The following GTF3C2 variants were observed in gnomAD, a reference collection of about 807,000 sequenced individuals.
GTF3C2 encodes general transcription factor IIIC subunit 2, also known as general transcription factor 3C polypeptide 2.
Under a neutral mutation model 117.4 loss-of-function variants are expected in GTF3C2, and 17 were observed. The ratio of observed to expected loss-of-function variants is 0.14; its 90% CI spans 0.10 to 0.22. The LOEUF is 0.22. Among genes scored for constraint, GTF3C2 ranks in the 10% least tolerant of loss-of-function variants. GTF3C2 has a pLI of 1.00. For synonymous variants in GTF3C2, 437 were observed against 427.0 expected, an observed-to-expected ratio of 1.02 and a Z score of -0.29; for missense variants, 888 against 1,143.6, an observed-to-expected ratio of 0.78 and a Z score of 3.22.
In GTF3C2 at chr2:27,338,349, T is replaced by G. The variant is rs565789952; in HGVS notation, c.856-329A>C. The G allele has an allele frequency of 2.3e-4, 69 of 298,754 alleles. 2 individuals carry two copies. In the South Asian group the frequency reaches 2.4e-3, roughly 11 times the overall value. The allele number at this position is 298,754 out of a possible 1,614,324, so 18.5% of individuals were successfully genotyped here. A position where few individuals can be genotyped will look rare whatever the true frequency, so the allele number is the denominator to read the frequency against. Reference sequence around the variant, plus strand: ...GTCTCCCTTACTCCTCTCCCCTCTCTTAATATTCCTTCACAGGTTCTCCCT... The same window carrying G: ...GTCTCCCTTACTCCTCTCCCCTCTCGTAATATTCCTTCACAGGTTCTCCCT... On this transcript the variant is annotated intron_variant, in intron 4 of 18. Coordinates refer to ENST00000264720, the Ensembl canonical transcript of GTF3C2.
chr2:27,356,004 T>G lies in GTF3C2; in HGVS notation c.-25+735A>C, dbSNP rs1681361100. 3 of 810,808 alleles carry G rather than the reference T, an allele frequency of 3.7e-6. No homozygotes were observed. The South Asian group carries it at 4.2e-5, about 11-fold the overall frequency. 50.2% of individuals were successfully genotyped at this position (810,808 alleles called of 1,614,324 possible). A position where few individuals can be genotyped will look rare whatever the true frequency, so the allele number is the denominator to read the frequency against. ...ACTATTCAGAAAACAATAGTACAAT[T>G]GATAAGAGATTGCAAAAATAGTGAT... is the stretch of plus-strand genomic sequence containing the variant. On this transcript the variant is annotated intron_variant, in intron 1 of 18. Transcript: ENST00000264720.
At chr2:27,337,873 G>GCACT (rs1438986947) in intron 5 of GTF3C2, 53 bp downstream of exon 5, 1 of 1,020,056 alleles carries the variant, frequency 9.8e-7, no homozygotes, top group Non-Finnish European at 1.6e-6. Flanking sequence ...TACCGCCCTT[G>GCACT]CACTCCTCTA....
chr2:27,328,446 T>C, intron 16 of GTF3C2, 22 bp downstream of exon 16: 1 of 1,613,338 alleles, frequency 6.2e-7, no homozygotes, highest in Non-Finnish European at 8.5e-7. Flanking sequence ...CAACAGCTGC[T>C]GTTAGATGTT....
At chr2:27,328,536 T>C in exon 16 of GTF3C2, 3 of 1,610,170 alleles carry the variant, frequency 1.9e-6, no homozygotes, top group African/African-American at 1.3e-5. Context: ...ATAGCAGCAA[T>C]GAGCTCCCCG....
In GTF3C2 at chr2:27,348,397, G is replaced by A. The variant is rs1372834599; in HGVS notation, c.-24-4819C>T. ...GGAGGCTGCAGTGAGCAGAGATCGC[G>A]TTCCTGCACTCCAGCCTGGAGTTGA... On this transcript the variant is annotated intron_variant, in intron 1 of 18. Coordinates refer to ENST00000264720, the Ensembl canonical transcript of GTF3C2. Among the ~76,000 whole-genome samples, 12 of 149,950 alleles carry A rather than the reference G, an allele frequency of 8.0e-5. No individual in the cohort carries two copies. In the South Asian group the frequency reaches 2.1e-3, roughly 27 times the overall value.
intron 1 of GTF3C2, among the ~76,000 whole-genome samples, chr2:27,354,519 G>C (rs1364829524): frequency 6.6e-6 from 1 of 152,144 alleles, no homozygotes; most frequent in African/African-American, 2.4e-5. Context: ...CCAGCACTTT[G>C]GGAGGCCAAG....
intron 1 of GTF3C2, among the ~76,000 whole-genome samples, chr2:27,346,928 TC>T (rs1680938179): frequency 6.6e-6 from 1 of 152,072 alleles, no homozygotes; most frequent in South Asian, 2.1e-4. Flanking sequence ...ATTCCTAACC[TC>T]AAGAGATCCT....
Position 27,329,668 on chromosome 2 carries a change from C to G in GTF3C2, c.1733-145G>C. 1 of 717,434 alleles carries G rather than the reference C, an allele frequency of 1.4e-6. No individual in the cohort carries two copies. The highest frequency in any genetic ancestry group is 2.3e-6 in the Non-Finnish European group (1 of 427,948). The allele number at this position is 717,434 out of a possible 1,614,324, so 44.4% of individuals were successfully genotyped here. A position where few individuals can be genotyped will look rare whatever the true frequency, so the allele number is the denominator to read the frequency against. ...GGATGTGGGGATCCTGATTAGCTATCCAACACTCCCTCCAGGGCTTAAAGA... is the reference window on the plus strand; with the variant it reads ...GGATGTGGGGATCCTGATTAGCTATGCAACACTCCCTCCAGGGCTTAAAGA... On this transcript the variant is annotated intron_variant, in intron 12 of 18. Coordinates refer to ENST00000264720, the Ensembl canonical transcript of GTF3C2. The surrounding 1 kb of genome is among the most constrained non-coding windows in gnomAD (Gnocchi z 4.5).
At chr2:27,343,527 C>A (rs1680818289) in exon 2 of GTF3C2, 1 of 1,613,760 alleles carries the variant, frequency 6.2e-7, no homozygotes, top group South Asian at 1.1e-5. Context: ...TCCCCCAGGG[C>A]AACATAGCCG....
intron 12 of GTF3C2, among the ~76,000 whole-genome samples, chr2:27,332,510 G>A (rs1034109984): frequency 8.6e-5 from 13 of 151,376 alleles, no homozygotes; most frequent in African/African-American, 3.2e-4. Flanking sequence ...CGCCTCCCGG[G>A]TTCACGCCAT....
intron 4 of GTF3C2, among the ~76,000 whole-genome samples, chr2:27,338,416 TGTC>T (rs1680576983): frequency 1.3e-5 from 2 of 152,266 alleles, no homozygotes; most frequent in South Asian, 2.1e-4. Context: ...CCAGAGTTCC[TGTC>T]GTCTTCTCGC....
At chr2:27,338,006 G>T in exon 5 of GTF3C2, 1 of 1,608,806 alleles carries the variant, frequency 6.2e-7, no homozygotes, top group Non-Finnish European at 8.5e-7. Flanking sequence ...TTCCTCGGCA[G>T]TGTGGTTTCT....
At chr2:27,342,904 T>A (rs1362011034) in exon 3 of GTF3C2, 6 of 1,614,212 alleles carry the variant, frequency 3.7e-6, no homozygotes, top group Non-Finnish European at 5.1e-6. Context: ...AGATTGAGAT[T>A]CTGGCCGATC....
intron 3 of GTF3C2, 48 bp from the exon 4 acceptor site, chr2:27,342,281 C>G: frequency 6.7e-7 from 1 of 1,486,438 alleles, no homozygotes; most frequent in Non-Finnish European, 9.2e-7. Flanking sequence ...TGACTGAGAA[C>G]CCACGTTTCC....
chr2:27,329,010 C>T lies in GTF3C2; in HGVS notation c.2040-79G>A. 5 of 1,470,374 alleles carry T rather than the reference C, an allele frequency of 3.4e-6. No homozygotes were observed. In the East Asian group the frequency reaches 6.8e-5, roughly 20 times the overall value. 91.1% of individuals were successfully genotyped at this position (1,470,374 alleles called of 1,614,324 possible). On this transcript the variant is annotated intron_variant, in intron 14 of 18. Coordinates refer to ENST00000264720, the Ensembl canonical transcript of GTF3C2. This position sits in a 1 kb window ranked among gnomAD's most constrained non-coding sequence, Gnocchi z 4.5. ...TTCTTAACCTCTTCCAGAATTTAAA[C>T]CACCTCAGTGAACCAACTCTCTACC...
At chr2:27,356,446 C>T in intron 1 of GTF3C2, 1 of 254,742 alleles carries the variant, frequency 3.9e-6, no homozygotes, top group Non-Finnish European at 8.2e-6. Flanking sequence ...GTTCGAGGGA[C>T]GCTACGTATG....
chr2:27,326,422 T>C, exon 19 of GTF3C2: 1 of 572,302 alleles, frequency 1.7e-6, no homozygotes, highest in South Asian at 2.0e-5. Flanking sequence ...GGCCTGAGTG[T>C]TTCTCATGAG....
chr2:27,334,595 A>ACACTTAGGCAATC (rs1680392638), intron 10 of GTF3C2, among the ~76,000 whole-genome samples: 1 of 151,716 alleles, frequency 6.6e-6, no homozygotes, highest in African/African-American at 2.4e-5. Context: ...TTTATTGACC[A>ACACTTAGGCAATC]CACTTAGGCA....
intron 1 of GTF3C2, among the ~76,000 whole-genome samples, chr2:27,347,123 G>A (rs1330100488): frequency 1.3e-5 from 2 of 152,128 alleles, no homozygotes; most frequent in Non-Finnish European, 2.9e-5. Context: ...CACCAAACCC[G>A]AAACCTAAGC....
Sources: gnomAD v4.1 joint callset for allele counts (sites outside exome capture counted in the v4.1 genomes callset) on GRCh38, gnomAD v4.1.1 for gene constraint, Gnocchi (gnomAD v3.1) non-coding constraint, MANE v1.5 for transcripts, NCBI Gene and HGNC (gene_info 2026-07-23, HGNC 2026-07-21) for gene names.